Variants in SLC2A13 observed in about 807,000 individuals in gnomAD.
SLC2A13 encodes solute carrier family 2 member 13.
Under a neutral mutation model 64.4 loss-of-function variants are expected in SLC2A13, and 32 were observed. The observed-to-expected ratio is 0.50, with a 90% CI of 0.37 to 0.67. The LOEUF is 0.67. SLC2A13 is among the 30% of genes least tolerant of loss of function. SLC2A13 has a pLI of 0.00. For missense variants in SLC2A13, 743 were observed against 829.2 expected (o/e 0.90, Z 1.28); for synonymous variants, 338 against 327.1 (o/e 1.03, Z -0.36).
intron 7 of SLC2A13, among the ~76,000 whole-genome samples, chr12:39,824,431 G>T (rs1272097665): frequency 6.6e-6 from 1 of 152,244 alleles, no homozygotes; most frequent in Admixed American, 6.5e-5. Flanking sequence ...ATCCAAGAGG[G>T]TCTCCATCTG....
At chr12:39,867,528 C>A (rs1943940880) in intron 5 of SLC2A13, among the ~76,000 whole-genome samples, 1 of 151,750 alleles carries the variant, frequency 6.6e-6, no homozygotes, top group Non-Finnish European at 1.5e-5. Context: ...TAGTATGGTA[C>A]AACTATCCTA....
chr12:39,957,331 C>A (rs902200426), intron 3 of SLC2A13, among the ~76,000 whole-genome samples: 1 of 152,074 alleles, frequency 6.6e-6, no homozygotes, highest in South Asian at 2.1e-4. Context: ...ATTTTGTATG[C>A]CCACTTAAAT....
At chr12:39,971,971 A>G (rs1469573601) in intron 3 of SLC2A13, among the ~76,000 whole-genome samples, 1 of 101,062 alleles carries the variant, frequency 9.9e-6, no homozygotes, top group Non-Finnish European at 2.1e-5. Context: ...GGATGGAGCA[A>G]GAGTGTCTCC....
chr12:40,008,422 A>G (rs1400331446), intron 3 of SLC2A13, among the ~76,000 whole-genome samples: 3 of 152,164 alleles, frequency 2.0e-5, no homozygotes, highest in African/African-American at 7.2e-5. Context: ...CCTGGCTAAC[A>G]TGATGAAACC....
At chr12:40,094,631 A>T (rs981652950) in intron 1 of SLC2A13, among the ~76,000 whole-genome samples, 4 of 152,196 alleles carry the variant, frequency 2.6e-5, no homozygotes, top group Admixed American at 2.0e-4. Flanking sequence ...GGTAAGGATG[A>T]GAGCCTGTCT....
At chr12:40,068,778 CAT>C (rs1937842101) in intron 1 of SLC2A13, among the ~76,000 whole-genome samples, 1 of 150,026 alleles carries the variant, frequency 6.7e-6, no homozygotes, top group Non-Finnish European at 1.5e-5. Context: ...AAAAAAAAAT[CAT>C]AGACACAGCT....
At chr12:40,095,269 T>A (rs954243786) in intron 1 of SLC2A13, among the ~76,000 whole-genome samples, 2 of 152,234 alleles carry the variant, frequency 1.3e-5, no homozygotes, top group Non-Finnish European at 2.9e-5. Context: ...TGTTTTGTTA[T>A]GTGTGTGTCT....
At chr12:39,820,149 G>C (rs990879526) in intron 7 of SLC2A13, among the ~76,000 whole-genome samples, 1 of 151,968 alleles carries the variant, frequency 6.6e-6, no homozygotes, top group African/African-American at 2.4e-5. Flanking sequence ...TGTAATTTTT[G>C]GAGGGTTCCA....
Position 39,896,377 on chromosome 12 carries a change from T to TATGTATGTATATGTGTATATATGTATAC in SLC2A13, c.1035-24444_1035-24417dup, listed in dbSNP as rs1313401144. 6.5e-4 allele frequency among the ~76,000 whole-genome samples: 87 copies of TATGTATGTATATGTGTATATATGTATAC among 133,016 alleles called. 1 individual carries two copies. Among genetic ancestry groups the TATGTATGTATATGTGTATATATGTATAC allele is most frequent in the East Asian group, 2.8e-3 (11 of 3,972 alleles). 87.3% of individuals were successfully genotyped at this position (133,016 alleles called of 152,430 possible). A position where few individuals can be genotyped will look rare whatever the true frequency, so the allele number is the denominator to read the frequency against. On this transcript the variant is annotated intron_variant, in intron 4 of 9. Transcript: ENST00000280871. ...GTATATGTGTATATATGTATACATA[T>TATGTATGTATATGTGTATATATGTATAC]ATGTATGTATATGTGTATATATGTA... is the stretch of plus-strand genomic sequence containing the variant.
intron 7 of SLC2A13, among the ~76,000 whole-genome samples, chr12:39,784,704 C>T (rs569386360): frequency 8.4e-4 from 128 of 152,320 alleles, no homozygotes; most frequent in Admixed American, 3.6e-3. Flanking sequence ...GCAATGGCAA[C>T]AAAAGCCAAA....
intron 3 of SLC2A13, among the ~76,000 whole-genome samples, chr12:40,014,806 A>G (rs919275332): frequency 2.0e-5 from 3 of 152,206 alleles, no homozygotes; most frequent in African/African-American, 4.8e-5. Flanking sequence ...GATATTCTTG[A>G]ATTATCACCT....
chr12:39,794,092 G>T (rs4768182), intron 7 of SLC2A13, among the ~76,000 whole-genome samples: 128,378 of 141,344 alleles, frequency 0.91, 58,988 homozygotes, highest in East Asian at 0.99. Flanking sequence ...ATTCCTAGAA[G>T]GTGATGTATG....
Position 40,105,542 on chromosome 12 carries a change from C to A in SLC2A13, c.267G>T (p.Ala89=), listed in dbSNP as rs745517346. The change falls in exon 1 of 10, where the codon GCG becomes GCT. Residue 89 remains alanine, a synonymous_variant. Coordinates refer to ENST00000280871, the MANE Select transcript of SLC2A13 (RefSeq NM_052885.4). This position sits in a 1 kb window ranked among gnomAD's most constrained non-coding sequence, Gnocchi z 4.2. ...AFVYVVAVFS[A]LGGFLFGYDT... is the part of the protein sequence containing the mutation. ...CATAGCCAAACAGGAAGCCGCCCAG[C>A]GCGGAGAAGACGGCCACCACGTACA... is the stretch of plus-strand genomic sequence containing the variant. 3 of 1,580,154 alleles carry A rather than the reference C, an allele frequency of 1.9e-6. No homozygotes were observed. The highest frequency in any genetic ancestry group is 2.6e-6 in the Non-Finnish European group (3 of 1,166,196).
intron 2 of SLC2A13, among the ~76,000 whole-genome samples, chr12:40,038,976 A>AT (rs142870899): frequency 0.023 from 3,466 of 152,142 alleles, 139 homozygotes; most frequent in African/African-American, 0.079. Flanking sequence ...CAATTTGCCC[A>AT]TTTTTTTATT....
At chr12:40,069,781 A>C (rs1236477554) in intron 1 of SLC2A13, among the ~76,000 whole-genome samples, 1 of 152,142 alleles carries the variant, frequency 6.6e-6, no homozygotes. Context: ...TTATCAGACA[A>C]GGCATCAGTT....
At chr12:40,068,329 AT>A in intron 1 of SLC2A13, 2 of 410,426 alleles carry the variant, frequency 4.9e-6, no homozygotes. Flanking sequence ...AGTCTGTAGT[AT>A]TTTCCACATG....
At chr12:39,998,634 T>C (rs1279694813) in intron 3 of SLC2A13, among the ~76,000 whole-genome samples, 1 of 152,220 alleles carries the variant, frequency 6.6e-6, no homozygotes, top group Non-Finnish European at 1.5e-5. Context: ...TGTACACCCA[T>C]TGTATCTAGG....
chr12:39,953,273 C>A (rs1946263850), intron 3 of SLC2A13, among the ~76,000 whole-genome samples: 1 of 152,046 alleles, frequency 6.6e-6, no homozygotes, highest in African/African-American at 2.4e-5. Context: ...TTTTTAAAAT[C>A]TGGATTTTAT....
chr12:39,773,079 TGG>T (rs1322927145), intron 7 of SLC2A13, among the ~76,000 whole-genome samples: 2 of 152,342 alleles, frequency 1.3e-5, no homozygotes, highest in East Asian at 3.9e-4. Context: ...TGGCAACTGC[TGG>T]TAGAAGAACA....
Sources: gnomAD v4.1 joint callset for allele counts (sites outside exome capture counted in the v4.1 genomes callset) on GRCh38, gnomAD v4.1.1 for gene constraint, Gnocchi (gnomAD v3.1) non-coding constraint, MANE v1.5 for transcripts, NCBI Gene and HGNC (gene_info 2026-07-23, HGNC 2026-07-21) for gene names.